IFT88: variants seen among roughly 807,000 people sequenced by gnomAD.
The protein encoded by IFT88 is intraflagellar transport protein 88 homolog.
IFT88 carries 74 observed loss-of-function variants against 119.5 expected under a neutral mutation model. The observed-to-expected ratio is 0.62, with a 90% confidence interval of 0.51 to 0.75. IFT88 has a LOEUF of 0.75. Among genes scored for constraint, IFT88 ranks in the 30% least tolerant of loss-of-function variants. IFT88 has a pLI of 0.00. For missense variants in IFT88, 961 were observed against 977.7 expected (o/e 0.98, Z 0.23); for synonymous variants, 279 against 316.7 (o/e 0.88, Z 1.26).
rs542853923 is a variant in IFT88, at chr13:20,683,473, A to G, written c.2243-7232A>G. Among the ~76,000 whole-genome samples, 7 of 152,270 alleles carry G rather than the reference A, an allele frequency of 4.6e-5. No homozygotes were observed. The South Asian group carries it at 1.0e-3, about 23-fold the overall frequency. On this transcript the variant is annotated intron_variant, in intron 24 of 25. Coordinates refer to ENST00000351808, the MANE Select transcript of IFT88 (RefSeq NM_006531.5). ...TAATAAATCTCTCCCCTATAAATTT[A>G]TAGGTACAGAAGTTATAATTGACTG...
At chr13:20,665,410 GAGA>G (rs2054523458) in intron 23 of IFT88, among the ~76,000 whole-genome samples, 2 of 152,192 alleles carry the variant, frequency 1.3e-5, no homozygotes, top group Admixed American at 1.3e-4. Context: ...TAAAAGGAGA[GAGA>G]TCCAGTATTA....
At chr13:20,640,782 C>T (rs2049812094) in intron 17 of IFT88, among the ~76,000 whole-genome samples, 1 of 152,008 alleles carries the variant, frequency 6.6e-6, no homozygotes, top group Admixed American at 6.6e-5. Flanking sequence ...CTTTTAAAAT[C>T]ACTGAAGCTT....
chr13:20,608,889 C>G (rs2043981253), intron 13 of IFT88, among the ~76,000 whole-genome samples: 1 of 152,218 alleles, frequency 6.6e-6, no homozygotes, highest in Admixed American at 6.5e-5. Flanking sequence ...ACTGCTCTCT[C>G]TCTCTCCTCT....
At chr13:20,577,682 C>G (rs948386901) in intron 2 of IFT88, among the ~76,000 whole-genome samples, 5 of 152,078 alleles carry the variant, frequency 3.3e-5, no homozygotes, top group African/African-American at 1.2e-4. Flanking sequence ...GTTGAACCAT[C>G]CTTGCATCCC....
rs934860600 is a variant in IFT88, at chr13:20,629,000, T to C, written c.1300-2016T>C. ...GATACAAGGGACTATAACACTCCTT[T>C]TTTTAAAAAAAAATTGTTGTTATTG... On this transcript the variant is annotated intron_variant, in intron 15 of 25. Transcript: ENST00000351808. 9.2e-5 allele frequency among the ~76,000 whole-genome samples: 14 copies of C among 152,296 alleles called. No homozygotes were observed. The East Asian group carries it at 2.7e-3, about 29-fold the overall frequency.
At chr13:20,679,719 A>G in intron 24 of IFT88, among the ~76,000 whole-genome samples, 1 of 152,216 alleles carries the variant, frequency 6.6e-6, no homozygotes, top group African/African-American at 2.4e-5. Flanking sequence ...GCCAATTCTA[A>G]CATGTAATTA....
chr13:20,608,732 G>GTCA (rs1251276954), intron 13 of IFT88, among the ~76,000 whole-genome samples: 2 of 152,194 alleles, frequency 1.3e-5, no homozygotes, highest in African/African-American at 4.8e-5. Context: ...CCGTTTCCCA[G>GTCA]TCATCCCCTT....
chr13:20,590,141 G>A (rs2040411432), intron 4 of IFT88, among the ~76,000 whole-genome samples: 1 of 152,066 alleles, frequency 6.6e-6, no homozygotes, highest in Admixed American at 6.5e-5. Flanking sequence ...ATACAACCAA[G>A]TCTCGTGTAT....
chr13:20,625,853 A>C lies in IFT88; in HGVS notation c.1299+4A>C. 1 of 1,542,264 alleles carries C rather than the reference A, an allele frequency of 6.5e-7. No homozygotes were observed. The highest frequency in any genetic ancestry group is 8.8e-7 in the Non-Finnish European group (1 of 1,140,572). On this transcript the variant is annotated splice_donor_region_variant and intron_variant, in intron 15 of 25. Transcript: ENST00000351808. ...GAGACAAAAAGACTATAACCAAGTA[A>C]GTTTTAAAAAAAATTTTAGATGGAA...
intron 1 of IFT88, chr13:20,567,879 T>C (rs2035234695): frequency 2.7e-6 from 2 of 739,676 alleles, no homozygotes; most frequent in South Asian, 2.4e-5. Flanking sequence ...TTTTTTTTTT[T>C]TCGAGAAACT....
intron 10 of IFT88, among the ~76,000 whole-genome samples, 181 bp downstream of exon 10, chr13:20,598,934 A>G (rs2042175259): frequency 6.6e-6 from 1 of 152,026 alleles, no homozygotes; most frequent in Non-Finnish European, 1.5e-5. Context: ...ATGAAGAAAT[A>G]TAGTTAGTAT....
At chr13:20,637,690 G>A (rs766955482) in intron 16 of IFT88, among the ~76,000 whole-genome samples, 25 of 152,178 alleles carry the variant, frequency 1.6e-4, no homozygotes, top group Non-Finnish European at 3.1e-4. Flanking sequence ...GGCTTTCTGA[G>A]ACTAAAGGCC....
chr13:20,589,837 A>G lies in IFT88; in HGVS notation c.180A>G (p.Ala60=), dbSNP rs1345278556. ...TAACTGCTAAAATATCAAGCACGGC[A>G]GTTACTAGACCTATAGCTACTGGAT... ...PPITAKISST[A]VTRPIATGYG... Residue 60 remains alanine (A), a synonymous_variant, in exon 4 of 26, where the codon GCA becomes GCG. Transcript: ENST00000351808. The G allele has an allele frequency of 6.2e-7, 1 of 1,600,362 alleles. No homozygotes were observed. Among genetic ancestry groups the G allele is most frequent in the Non-Finnish European group, 8.5e-7 (1 of 1,170,698 alleles).
At chr13:20,623,186 G>T (rs2046799785) in intron 14 of IFT88, among the ~76,000 whole-genome samples, 2 of 152,158 alleles carry the variant, frequency 1.3e-5, no homozygotes, top group Admixed American at 1.3e-4. Context: ...CTGTCTTCCT[G>T]CCAGTACCAC....
At chr13:20,597,266 C>T (rs1234281219) in intron 9 of IFT88, 147 bp downstream of exon 9, 16 of 506,740 alleles carry the variant, frequency 3.2e-5, no homozygotes, top group Non-Finnish European at 5.6e-5. Context: ...TCATAAAACA[C>T]TCTTGTCTTT....
At chr13:20,567,864 G>A in intron 1 of IFT88, 1 of 887,770 alleles carries the variant, frequency 1.1e-6, no homozygotes, top group Non-Finnish European at 1.6e-6. Context: ...AGTTTTTTTT[G>A]TTTGTTTTTT....
chr13:20,611,459 G>A (rs2044493176), intron 13 of IFT88, among the ~76,000 whole-genome samples: 1 of 133,068 alleles, frequency 7.5e-6, no homozygotes, highest in Non-Finnish European at 1.5e-5. Context: ...AGGTTGCAGT[G>A]AGCCAAAATT....
At chr13:20,645,236 C>G (rs1009331590) in intron 20 of IFT88, among the ~76,000 whole-genome samples, 1 of 151,954 alleles carries the variant, frequency 6.6e-6, no homozygotes, top group African/African-American at 2.4e-5. Context: ...ATTACAGTCA[C>G]GCACCACCAT....
chr13:20,568,549 A>C (rs2035460989), intron 1 of IFT88, among the ~76,000 whole-genome samples: 1 of 152,234 alleles, frequency 6.6e-6, no homozygotes, highest in African/African-American at 2.4e-5. Flanking sequence ...AAGCTGACTT[A>C]AATAGGGTTC....
Sources: gnomAD v4.1 joint callset for allele counts (sites outside exome capture counted in the v4.1 genomes callset) on GRCh38, gnomAD v4.1.1 for gene constraint, MANE v1.5 for transcripts, NCBI Gene and HGNC (gene_info 2026-07-23, HGNC 2026-07-21) for gene names.